ABCG2: variants seen among roughly 807,000 people sequenced by gnomAD.
ABCG2 encodes the protein ATP binding cassette subfamily G member 2 (JR blood group), also known as broad substrate specificity ATP-binding cassette transporter ABCG2.
ABCG2 carries 80 observed loss-of-function variants against 73.5 expected under a neutral mutation model. The observed-to-expected ratio is 1.09, with a 90% CI of 0.91 to 1.31. ABCG2 has a LOEUF of 1.31. Among genes scored for constraint, ABCG2 ranks in the 50% most tolerant of loss-of-function variants. The probability of loss-of-function intolerance (pLI) is 0.00; values close to 1 mark genes in which losing one functional copy is unlikely to be tolerated. For missense variants in ABCG2, 796 were observed against 786.2 expected, an observed-to-expected ratio of 1.01 and a Z score of -0.15; for synonymous variants, 269 against 282.4, an observed-to-expected ratio of 0.95 and a Z score of 0.48.
rs1723429019 is a variant in ABCG2, at chr4:88,114,982, T to C, written c.918A>G (p.Ala306=). ...DIINGDSTAV[A]LNREEDFKAT... is the part of the protein sequence containing the mutation. ...CTTTAAAGTCTTCTTCTCTGTTTAATGCCACAGCAGTGGAATCTCCATTAA... is the reference window on the plus strand; with the variant it reads ...CTTTAAAGTCTTCTTCTCTGTTTAACGCCACAGCAGTGGAATCTCCATTAA... Residue 306 remains alanine (A), a synonymous_variant, in exon 8 of 16, where the codon GCA becomes GCG. Transcript: ENST00000237612. The C allele has an allele frequency of 6.2e-7, 1 of 1,612,326 alleles. No homozygotes were observed. The highest frequency in any genetic ancestry group is 8.5e-7 in the Non-Finnish European group (1 of 1,178,830).
Position 88,134,949 on chromosome 4 carries a change from T to C in ABCG2, c.204-2314A>G, listed in dbSNP as rs147788974. Among the ~76,000 whole-genome samples, 796 of 152,320 alleles carry C rather than the reference T, an allele frequency of 5.2e-3. 5 individuals carry two copies. Among genetic ancestry groups the C allele is most frequent in the African/African-American group, 0.018 (756 of 41,568 alleles). ...ACAAAGTCTGAGCCCTTGTGGAGTTTACATTCTAGTCCAGGGATCAGCAGT... is the reference window on the plus strand; with the variant it reads ...ACAAAGTCTGAGCCCTTGTGGAGTTCACATTCTAGTCCAGGGATCAGCAGT... On this transcript the variant is annotated intron_variant, in intron 2 of 15. Transcript: ENST00000237612.
chr4:88,167,875 G>C (rs1362462911), intron 1 of ABCG2, among the ~76,000 whole-genome samples: 1 of 152,100 alleles, frequency 6.6e-6, no homozygotes, highest in South Asian at 2.1e-4. Flanking sequence ...TTAGAATTCT[G>C]CCTATCCTGG....
At chr4:88,209,738 T>G (rs1219220260) in intron 1 of ABCG2, among the ~76,000 whole-genome samples, 2 of 152,082 alleles carry the variant, frequency 1.3e-5, no homozygotes, top group Non-Finnish European at 2.9e-5. Flanking sequence ...AAATTTTAAG[T>G]GAAAGAAAAT....
In ABCG2 at chr4:88,099,313, T is replaced by C. The variant is rs1722224220; in HGVS notation, c.1492+11A>G. ...AAAGACATGTCCTTTTTTGTTTTGT[T>C]ACATACTTACCTAACATGAAGTACA... On this transcript the variant is annotated intron_variant, in intron 12 of 15. Coordinates refer to ENST00000237612, the MANE Select transcript of ABCG2 (RefSeq NM_004827.3). 6.3e-7 allele frequency: 1 copy of C among 1,582,478 alleles called. No individual in the cohort carries two copies. The highest frequency in any genetic ancestry group is 8.6e-7 in the Non-Finnish European group (1 of 1,167,214).
At chr4:88,131,959 G>T (rs757520205) in intron 3 of ABCG2, 42 bp from the exon 4 acceptor site, 5 of 1,449,230 alleles carry the variant, frequency 3.5e-6, no homozygotes, top group Non-Finnish European at 4.8e-6. Flanking sequence ...TAACCTATAA[G>T]AGAATATATA....
chr4:88,113,773 C>T (rs1723316903), intron 8 of ABCG2, among the ~76,000 whole-genome samples: 2 of 151,646 alleles, frequency 1.3e-5, no homozygotes, highest in African/African-American at 2.4e-5. Context: ...CCAGCCTGAC[C>T]AACATGGTGA....
chr4:88,231,039 A>T (rs907909506), exon 1 of ABCG2: 1 of 152,250 alleles, frequency 6.6e-6, no homozygotes, highest in African/African-American at 2.4e-5. Context: ...CCCAAATCTC[A>T]GTGCAGAGAC....
At chr4:88,162,023 GTTTT>G (rs894277298), upstream of ABCG2, among the ~76,000 whole-genome samples, 11 of 151,820 alleles carry the variant, frequency 7.2e-5, no homozygotes, top group African/African-American at 2.7e-4. Context: ...GGGGTTGTTT[GTTTT>G]TTTCTTGTAA....
rs1436734043 is a variant in ABCG2 at position 88,092,384 on chromosome 4, G to T, written c.1821-3C>A. The T allele has an allele frequency of 6.2e-7, 1 of 1,605,158 alleles. No homozygotes were observed. The highest frequency in any genetic ancestry group is 1.7e-4 in the Middle Eastern group (1 of 6,014). ...CCAAATATTCTTCGCCAGTACATCTGAAATTAAACAGAAAAAGAATATAAC... is the reference window on the plus strand; with the variant it reads ...CCAAATATTCTTCGCCAGTACATCTTAAATTAAACAGAAAAAGAATATAAC... On this transcript the variant is annotated splice_region_variant and splice_polypyrimidine_tract_variant and intron_variant, in intron 15 of 15. Coordinates refer to ENST00000237612, the MANE Select transcript of ABCG2 (RefSeq NM_004827.3).
intron 1 of ABCG2, among the ~76,000 whole-genome samples, chr4:88,153,722 C>T (rs184990267): frequency 9.2e-5 from 14 of 152,140 alleles, no homozygotes; most frequent in Non-Finnish European, 1.3e-4. Context: ...GTGGGAAAGG[C>T]CTCTACCTAT....
upstream of ABCG2, chr4:88,164,017 T>C (rs1158599697): frequency 7.2e-6 from 1 of 139,602 alleles, no homozygotes; most frequent in Non-Finnish European, 1.7e-5. Context: ...CCTTTATATA[T>C]TTTTTTTAAA....
intron 1 of ABCG2, among the ~76,000 whole-genome samples, chr4:88,222,325 G>A (rs1370802902): frequency 6.6e-6 from 1 of 152,234 alleles, no homozygotes; most frequent in Admixed American, 6.5e-5. Flanking sequence ...ACCTCTGCTA[G>A]GGCAGTGATA....
chr4:88,166,547 C>A (rs557502708), intron 1 of ABCG2, among the ~76,000 whole-genome samples: 1 of 152,230 alleles, frequency 6.6e-6, no homozygotes, highest in Admixed American at 6.5e-5. Flanking sequence ...CCTAAGTTGG[C>A]AGAGGAAGTT....
At chr4:88,180,820 G>A (rs1440951743) in intron 1 of ABCG2, among the ~76,000 whole-genome samples, 1 of 152,060 alleles carries the variant, frequency 6.6e-6, no homozygotes, top group Non-Finnish European at 1.5e-5. Flanking sequence ...GGAATCACCT[G>A]AAGGTACAAA....
At chr4:88,100,523 G>T (rs1722329165) in intron 11 of ABCG2, among the ~76,000 whole-genome samples, 1 of 147,044 alleles carries the variant, frequency 6.8e-6, no homozygotes, top group African/African-American at 2.5e-5. Context: ...AAAAAAAAAA[G>T]CTAGGCATGC....
chr4:88,137,069 G>A (rs1463051452), intron 2 of ABCG2, among the ~76,000 whole-genome samples: 2 of 108,616 alleles, frequency 1.8e-5, no homozygotes, highest in South Asian at 3.0e-4. Context: ...ATAAGAATGA[G>A]GAGATATATC....
At chr4:88,163,977 A>G (rs1727415090), upstream of ABCG2, 1 of 152,938 alleles carries the variant, frequency 6.5e-6, no homozygotes, top group South Asian at 2.1e-4. Context: ...ACCACTGAGC[A>G]TCAAATACAT....
chr4:88,097,284 G>A (rs893191175), intron 13 of ABCG2, among the ~76,000 whole-genome samples, 169 bp downstream of exon 13: 2 of 152,188 alleles, frequency 1.3e-5, no homozygotes, highest in Admixed American at 6.5e-5. Context: ...AGGGCAAAGA[G>A]GAAAGTTAGT....
At chr4:88,113,703 C>T (rs1411553689) in intron 8 of ABCG2, 150 bp from the exon 9 acceptor site, 18 of 1,058,586 alleles carry the variant, frequency 1.7e-5, no homozygotes, top group Non-Finnish European at 2.3e-5. Context: ...CGGCTCATGA[C>T]TGTAATCTCA....
Sources: gnomAD v4.1 joint callset for allele counts (sites outside exome capture counted in the v4.1 genomes callset) on GRCh38, gnomAD v4.1.1 for gene constraint, MANE v1.5 for transcripts, NCBI Gene and HGNC (gene_info 2026-07-23, HGNC 2026-07-21) for gene names.